BOD1L1: variants seen among roughly 807,000 people sequenced by gnomAD.
BOD1L1 encodes biorientation of chromosomes in cell division 1 like 1.
A neutral mutation model predicts 240.7 loss-of-function variants in BOD1L1; 86 were observed. That is an observed-to-expected ratio of 0.36 (90% CI 0.30 to 0.43). BOD1L1 has a LOEUF of 0.43. BOD1L1 is among the 20% of genes least tolerant of loss of function. The probability of loss-of-function intolerance (pLI) is 1.00; values close to 1 mark genes in which losing one functional copy is unlikely to be tolerated. For synonymous variants in BOD1L1, 1,268 were observed against 1,272.3 expected, an observed-to-expected ratio of 1.00 and a Z score of 0.07; for missense variants, 3,554 against 3,643.5, an observed-to-expected ratio of 0.98 and a Z score of 0.63.
At chr4:13,596,256 G>A (rs1042492032) in intron 11 of BOD1L1, among the ~76,000 whole-genome samples, 1 of 152,004 alleles carries the variant, frequency 6.6e-6, no homozygotes, top group Non-Finnish European at 1.5e-5. Context: ...TCTCATCACA[G>A]CTCACCGTGA....
At chr4:13,622,790 GA>G (rs1172276938) in intron 1 of BOD1L1, among the ~76,000 whole-genome samples, 2 of 152,200 alleles carry the variant, frequency 1.3e-5, no homozygotes, top group Non-Finnish European at 2.9e-5. Context: ...CAAGAAAGGG[GA>G]AGCTATTACA....
chr4:13,612,526 G>A (rs1452943138), intron 5 of BOD1L1, among the ~76,000 whole-genome samples: 1 of 152,080 alleles, frequency 6.6e-6, no homozygotes, highest in African/African-American at 2.4e-5. Flanking sequence ...GTGGTTCTGA[G>A]GACTATAGGA....
chr4:13,575,945 C>T (rs1712688659), intron 25 of BOD1L1, among the ~76,000 whole-genome samples: 1 of 141,140 alleles, frequency 7.1e-6, no homozygotes, highest in Non-Finnish European at 1.5e-5. Context: ...GCTCTAACAC[C>T]AGGCTGGAGT....
In BOD1L1 at chr4:13,609,347, T is replaced by G. The variant is rs1301569800; in HGVS notation, c.1551A>C (p.Glu517Asp). ...TCTTTTCTGCTTTCTGTTTTCGTTT[T>G]TCTTCAAGTTTTTCTCTATTGATTT... ...RRQINREKLE[E>D]KRKQKAEKTK... Residue 517 changes from glutamate to aspartate, a missense_variant, in exon 7 of 26, where the codon GAA becomes GAC. Physicochemically the swap from Glu to Asp is conservative, Grantham distance 45. Coordinates refer to ENST00000040738, the MANE Select transcript of BOD1L1 (RefSeq NM_148894.3). The G allele has an allele frequency of 6.4e-7, 1 of 1,559,492 alleles. No homozygotes were observed. The highest frequency in any genetic ancestry group is 8.7e-7 in the Non-Finnish European group (1 of 1,154,932).
rs1327294128 is a variant in BOD1L1 at position 13,613,045 on chromosome 4, T to C, written c.1324+467A>G. ...TGCCTCTTCCCTTGGCTGATTTTAATCTGAGCACCTTAACTGTAAACAACC... is the reference window on the plus strand; with the variant it reads ...TGCCTCTTCCCTTGGCTGATTTTAACCTGAGCACCTTAACTGTAAACAACC... On this transcript the variant is annotated intron_variant, in intron 5 of 25. Transcript: ENST00000040738. This position sits in a 1 kb window ranked among gnomAD's most constrained non-coding sequence, Gnocchi z 4.0. Among the ~76,000 whole-genome samples, 3 of 152,208 alleles carry C rather than the reference T, an allele frequency of 2.0e-5. No individual in the cohort carries two copies. The highest frequency in any genetic ancestry group is 2.9e-5 in the Non-Finnish European group (2 of 68,034).
At chr4:13,594,909 A>T (rs1389986036) in intron 12 of BOD1L1, among the ~76,000 whole-genome samples, 2 of 152,056 alleles carry the variant, frequency 1.3e-5, no homozygotes, top group African/African-American at 4.8e-5. Context: ...AAAACAAAAC[A>T]AAATAAAACA....
chr4:13,569,763 A>G lies in BOD1L1; in HGVS notation c.*248T>C. The G allele has an allele frequency of 3.3e-6, 1 of 299,402 alleles. No homozygotes were observed. The highest frequency in any genetic ancestry group is 6.1e-6 in the Non-Finnish European group (1 of 163,988). 18.5% of individuals were successfully genotyped at this position (299,402 alleles called of 1,614,324 possible). On this transcript the variant is annotated 3_prime_UTR_variant, in exon 26 of 26. Transcript: ENST00000040738. ...CCAATTTTGAATGTTAAAATATACA[A>G]CTACTTTGTTTTGAGTTCAGATACA...
In BOD1L1 at chr4:13,588,745, T is replaced by G. The variant is rs1350507057; in HGVS notation, c.8257A>C (p.Ser2753Arg). Residue 2753 changes from serine to arginine, a missense_variant, in exon 15 of 26, where the codon AGT becomes CGT. By Grantham distance (110) the Ser-to-Arg change is moderately radical. Coordinates refer to ENST00000040738, the MANE Select transcript of BOD1L1 (RefSeq NM_148894.3). The stretch of plus-strand genomic sequence containing the variant: ...ACCTCTTTAGGATCTGCTTCAACAC[T>G]GTGACCGCTTATGGCTTCTGCGTTG... ...KDNAEAISGH[S>R]VEADPKEVEE... 17 of 1,605,582 alleles carry G rather than the reference T, an allele frequency of 1.1e-5. No homozygotes were observed. The highest frequency in any genetic ancestry group is 1.4e-5 in the Non-Finnish European group (17 of 1,175,720).
At chr4:13,576,250 G>T (rs570099038) in intron 25 of BOD1L1, among the ~76,000 whole-genome samples, 2 of 152,252 alleles carry the variant, frequency 1.3e-5, no homozygotes, top group East Asian at 3.9e-4. Context: ...ACTGAGGAAG[G>T]AGAGAGAATT....
chr4:13,603,971 C>G lies in BOD1L1; in HGVS notation c.2929G>C (p.Ala977Pro), dbSNP rs1037994929. The G allele has an allele frequency of 6.2e-7, 1 of 1,613,862 alleles. No homozygotes were observed. The highest frequency in any genetic ancestry group is 8.5e-7 in the Non-Finnish European group (1 of 1,179,860). ...ETGVEPVLET[A>P]SSSAHSTQKD... ...TGTGTACTATGTGCTGAAGAAGAAG[C>G]AGTCTCTAATACAGGTTCAACACCA... The change falls in exon 10 of 26, where the codon GCT becomes CCT. Residue 977 changes from alanine to proline, a missense_variant. By Grantham distance (27) the Ala-to-Pro change is conservative. Coordinates refer to ENST00000040738, the MANE Select transcript of BOD1L1 (RefSeq NM_148894.3).
chr4:13,614,079 TAA>T (rs1716382855), intron 4 of BOD1L1, 115 bp downstream of exon 4: 2 of 948,080 alleles, frequency 2.1e-6, no homozygotes, highest in Admixed American at 3.6e-5. Flanking sequence ...AAAGGGGATA[TAA>T]GTTTCCAAAA....
chr4:13,588,706 G>A lies in BOD1L1; in HGVS notation c.8280+16C>T. 1 of 1,574,334 alleles carries A rather than the reference G, an allele frequency of 6.4e-7. No homozygotes were observed. The highest frequency in any genetic ancestry group is 8.6e-7 in the Non-Finnish European group (1 of 1,158,528). ...TATGTATAAAATATCAAACACTTGA[G>A]TTTATTAAAATGCACCTCTTTAGGA... On this transcript the variant is annotated intron_variant, in intron 15 of 25. Transcript: ENST00000040738.
chr4:13,624,431 G>A (rs914283016), intron 1 of BOD1L1: 1 of 152,020 alleles, frequency 6.6e-6, no homozygotes, highest in East Asian at 1.9e-4. Flanking sequence ...AAAAATTTTT[G>A]TTTTTTAGAC....
At chr4:13,583,605 C>A (rs1713407659) in intron 17 of BOD1L1, among the ~76,000 whole-genome samples, 2 of 152,200 alleles carry the variant, frequency 1.3e-5, no homozygotes, top group Non-Finnish European at 1.5e-5. Flanking sequence ...TGGCCCACTT[C>A]ATGTCAGATA....
chr4:13,606,644 A>G (rs1715725963), intron 9 of BOD1L1, among the ~76,000 whole-genome samples: 1 of 152,214 alleles, frequency 6.6e-6, no homozygotes, highest in Non-Finnish European at 1.5e-5. Flanking sequence ...CATTATATGT[A>G]ACACTAGACA....
chr4:13,610,938 G>C lies in BOD1L1; in HGVS notation c.1487C>G (p.Ser496Cys), dbSNP rs548367337. 2 of 1,598,200 alleles carry C rather than the reference G, an allele frequency of 1.3e-6. No individual in the cohort carries two copies. Among genetic ancestry groups the C allele is most frequent in the Admixed American group, 3.6e-5 (2 of 55,858 alleles). Residue 496 changes from serine to cysteine, a missense_variant, in exon 6 of 26, where the codon TCC (serine) becomes TGC (cysteine). This residue lies in a region of BOD1L1 where 3,393 missense variants were observed against 3,427.1 expected (regional missense o/e 0.99). Transcript: ENST00000040738. ...DELTVEQRRQ[S>C]IAKEKEERLL... ...AACAGAACAAACTGGACTTACAATGGACTGTCGTCGTTGTTCTACAGTAAG... is the reference window on the plus strand; with the variant it reads ...AACAGAACAAACTGGACTTACAATGCACTGTCGTCGTTGTTCTACAGTAAG...
chr4:13,572,368 C>A (rs1401742151), intron 25 of BOD1L1, among the ~76,000 whole-genome samples: 1 of 152,210 alleles, frequency 6.6e-6, no homozygotes, highest in African/African-American at 2.4e-5. Flanking sequence ...CACCTCATCA[C>A]CTCTCCAATG....
At chr4:13,594,926 A>G (rs2108925708) in intron 12 of BOD1L1, among the ~76,000 whole-genome samples, 2 of 150,234 alleles carry the variant, frequency 1.3e-5, no homozygotes, top group East Asian at 3.9e-4. Context: ...AACAAAACAA[A>G]AAACAAAAAC....
intron 6 of BOD1L1, among the ~76,000 whole-genome samples, chr4:13,609,664 T>C (rs1408229000): frequency 1.3e-5 from 2 of 152,116 alleles, no homozygotes; most frequent in African/African-American, 4.8e-5. Context: ...TCTTTAAGAA[T>C]GCCATTAAAG....
Sources: allele counts gnomAD v4.1 joint callset (sites outside exome capture counted in the v4.1 genomes callset), GRCh38; gene constraint gnomAD v4.1.1; regional missense constraint gnomAD v4.1.1; non-coding constraint Gnocchi (gnomAD v3.1); transcripts MANE v1.5; gene names NCBI Gene and HGNC (gene_info 2026-07-23, HGNC 2026-07-21).